SRPK2: variants seen among roughly 807,000 people sequenced by gnomAD.
The protein encoded by SRPK2 is SFRS protein kinase 2.
Under a neutral mutation model 90.8 loss-of-function variants are expected in SRPK2, and 21 were observed. That is an observed-to-expected ratio of 0.23 (90% CI 0.16 to 0.33). The LOEUF (loss-of-function observed/expected upper bound fraction) is 0.33, where lower values mean the gene tolerates loss of function less well. Ranked by LOEUF, SRPK2 falls within the 10% of genes least tolerant of loss-of-function variation. The probability of loss-of-function intolerance (pLI) is 1.00; values close to 1 mark genes in which losing one functional copy is unlikely to be tolerated. For synonymous variants in SRPK2, 288 were observed against 311.1 expected (o/e 0.93, Z 0.78); for missense variants, 620 against 869.0 (o/e 0.71, Z 3.60).
intron 2 of SRPK2, among the ~76,000 whole-genome samples, chr7:105,220,680 T>C (rs1797990655): frequency 6.6e-6 from 1 of 152,192 alleles, no homozygotes; most frequent in Non-Finnish European, 1.5e-5. Context: ...CAAAAGAATC[T>C]AAAACTAGCA....
intron 3 of SRPK2, among the ~76,000 whole-genome samples, chr7:105,179,953 C>G (rs1245963069): frequency 6.7e-6 from 1 of 149,878 alleles, no homozygotes; most frequent in East Asian, 2.0e-4. Context: ...AATGGAAAAA[C>G]AGTCCATGCC....
Position 105,265,862 on chromosome 7 carries a change from T to C in SRPK2, c.72-62077A>G, listed in dbSNP as rs1804994360. 2.6e-5 allele frequency among the ~76,000 whole-genome samples: 3 copies of C among 113,918 alleles called. No homozygotes were observed. The South Asian group carries it at 7.7e-4, about 29-fold the overall frequency. The allele number at this position is 113,918 out of a possible 152,430, so 74.7% of individuals were successfully genotyped here. A position where few individuals can be genotyped will look rare whatever the true frequency, so the allele number is the denominator to read the frequency against. ...ATCATTTTTCATTCATCATTAGGCATTTTTTTTAAAAAATTCATTCAATAG... is the reference window on the plus strand; with the variant it reads ...ATCATTTTTCATTCATCATTAGGCACTTTTTTTAAAAAATTCATTCAATAG... On this transcript the variant is annotated intron_variant, in intron 2 of 15. Transcript: ENST00000393651.
intron 6 of SRPK2, among the ~76,000 whole-genome samples, chr7:105,162,754 C>T (rs1807872873): frequency 6.6e-6 from 1 of 152,180 alleles, no homozygotes; most frequent in African/African-American, 2.4e-5. Context: ...CAGGATATCC[C>T]AAACATAACC....
At chr7:105,204,656 C>A in intron 2 of SRPK2, 1 of 950,194 alleles carries the variant, frequency 1.1e-6, no homozygotes, top group Non-Finnish European at 1.6e-6. Flanking sequence ...ATGTGAGTGC[C>A]ATTCCTTGGG....
chr7:105,296,729 G>T (rs761422286), intron 2 of SRPK2, among the ~76,000 whole-genome samples: 2 of 152,138 alleles, frequency 1.3e-5, no homozygotes, highest in Non-Finnish European at 2.9e-5. Flanking sequence ...TGACACAGAA[G>T]AAAAACACTA....
intron 7 of SRPK2, among the ~76,000 whole-genome samples, chr7:105,152,450 A>G (rs1805839153): frequency 6.6e-6 from 1 of 152,046 alleles, no homozygotes; most frequent in Non-Finnish European, 1.5e-5. Flanking sequence ...ATGCCTGGCC[A>G]GAACTACTAT....
At chr7:105,164,738 T>C (rs1488377132) in intron 6 of SRPK2, among the ~76,000 whole-genome samples, 1 of 152,238 alleles carries the variant, frequency 6.6e-6, no homozygotes, top group Non-Finnish European at 1.5e-5. Flanking sequence ...GCTTCCCTAG[T>C]TGATCATGAC....
chr7:105,265,734 C>A (rs1804972886), intron 2 of SRPK2, among the ~76,000 whole-genome samples: 1 of 151,998 alleles, frequency 6.6e-6, no homozygotes. Flanking sequence ...ATTCATTCAA[C>A]AGGCACTCAA....
intron 3 of SRPK2, among the ~76,000 whole-genome samples, chr7:105,182,858 T>G (rs1793062164): frequency 6.6e-6 from 1 of 152,142 alleles, no homozygotes; most frequent in Non-Finnish European, 1.5e-5. Context: ...GGAGGGAAAG[T>G]AAACTACTAA....
chr7:105,266,484 T>C (rs1805096156), intron 2 of SRPK2, among the ~76,000 whole-genome samples: 3 of 152,182 alleles, frequency 2.0e-5, no homozygotes, highest in Admixed American at 2.0e-4. Context: ...TTGTGGTGAA[T>C]GATAACTTTT....
chr7:105,333,847 T>C (rs991677956), intron 2 of SRPK2, among the ~76,000 whole-genome samples: 4 of 152,242 alleles, frequency 2.6e-5, no homozygotes, highest in Non-Finnish European at 5.9e-5. Context: ...TATACCATTA[T>C]AACATATAAA....
intron 2 of SRPK2, among the ~76,000 whole-genome samples, chr7:105,379,555 GGTAGA>G (rs765676370): frequency 6.6e-5 from 10 of 152,162 alleles, no homozygotes; most frequent in Admixed American, 2.0e-4. Flanking sequence ...GCTCCTAGGT[GGTAGA>G]GTATAGACTC....
At chr7:105,118,721 C>G (rs994322101) in intron 15 of SRPK2, among the ~76,000 whole-genome samples, 2 of 151,840 alleles carry the variant, frequency 1.3e-5, no homozygotes, top group Non-Finnish European at 2.9e-5. Flanking sequence ...AGTTTCAGAC[C>G]AGCCTGGGTA....
rs192761665 is a variant in SRPK2, at chr7:105,273,146, C to T, written c.72-69361G>A. On this transcript the variant is annotated intron_variant, in intron 2 of 15. Transcript: ENST00000393651. The stretch of plus-strand genomic sequence containing the variant: ...AGGAGAATGGCATGAACCCGGGAGG[C>T]GGAGGTTGCAGTGAGCAGAGATCGC... Among the ~76,000 whole-genome samples, 509 of 151,500 alleles carry T rather than the reference C, an allele frequency of 3.4e-3. 18 individuals carry two copies. Among genetic ancestry groups the T allele is most frequent in the Admixed American group, 0.026 (399 of 15,218 alleles).
chr7:105,358,223 C>CAAAAA (rs976713048), intron 2 of SRPK2, among the ~76,000 whole-genome samples: 2 of 53,624 alleles, frequency 3.7e-5, no homozygotes, highest in African/African-American at 8.6e-5. Context: ...GACTCCGTCT[C>CAAAAA]AAAAAAAAAA....
chr7:105,228,818 G>T (rs1043724014), intron 2 of SRPK2, among the ~76,000 whole-genome samples: 1 of 152,170 alleles, frequency 6.6e-6, no homozygotes, highest in Non-Finnish European at 1.5e-5. Context: ...CCGTGTTGGC[G>T]CCTGGAGCAG....
chr7:105,340,473 T>A (rs1017648224), intron 2 of SRPK2, among the ~76,000 whole-genome samples: 1 of 149,674 alleles, frequency 6.7e-6, no homozygotes, highest in African/African-American at 2.5e-5. Flanking sequence ...GTGCCATCAC[T>A]GCTCAACACA....
intron 2 of SRPK2, among the ~76,000 whole-genome samples, chr7:105,296,847 T>G (rs186979201): frequency 3.9e-5 from 6 of 152,248 alleles, no homozygotes; most frequent in Admixed American, 3.9e-4. Context: ...TCAACCCTCT[T>G]TTACAGAAGA....
At chr7:105,244,690 G>A (rs1801342707) in intron 2 of SRPK2, 4 of 1,143,162 alleles carry the variant, frequency 3.5e-6, no homozygotes, top group Non-Finnish European at 5.1e-6. Context: ...GCCTCAACAA[G>A]GGCCAAAAGG....
Sources: allele counts gnomAD v4.1 joint callset (sites outside exome capture counted in the v4.1 genomes callset), GRCh38; gene constraint gnomAD v4.1.1; transcripts MANE v1.5; gene names NCBI Gene and HGNC (gene_info 2026-07-23, HGNC 2026-07-21).